Variants in ABCC6 observed in about 807,000 individuals in gnomAD.
ABCC6 encodes ATP-binding cassette sub-family C member 6.
Under a neutral mutation model 169.5 loss-of-function variants are expected in ABCC6, and 126 were observed. The observed-to-expected ratio is 0.74, with a 90% confidence interval of 0.64 to 0.86. ABCC6 has a LOEUF of 0.86. Among genes scored for constraint, ABCC6 ranks in the 40% least tolerant of loss-of-function variants. The pLI, the probability that ABCC6 is intolerant of heterozygous loss-of-function variation, is 0.00. For synonymous variants in ABCC6, 752 were observed against 814.7 expected (o/e 0.92, Z 1.31); for missense variants, 1,733 against 1,927.2 (o/e 0.90, Z 1.89).
rs1221893255 is a variant in ABCC6, at chr16:16,163,235, C to T, written c.3307-43G>A. The T allele has an allele frequency of 1.2e-5, 19 of 1,587,328 alleles. 1 individual carries two copies. Among genetic ancestry groups the T allele is most frequent in the Non-Finnish European group, 1.5e-5 (18 of 1,162,052 alleles). ...GAGAGGGAAGAGGAGAAGCCACAGA[C>T]ATAGAGAGGTAGTTTCCAGAAGCAC... On this transcript the variant is annotated intron_variant, in intron 23 of 30. Coordinates refer to ENST00000205557, the MANE Select transcript of ABCC6 (RefSeq NM_001171.6).
At chr16:16,173,563 C>T (rs549385735) in intron 20 of ABCC6, among the ~76,000 whole-genome samples, 159 bp from the exon 21 acceptor site, 1 of 152,320 alleles carries the variant, frequency 6.6e-6, no homozygotes, top group East Asian at 1.9e-4. Context: ...AGATATCACA[C>T]TTCCCTTCTT....
chr16:16,163,869 C>T (rs566345896), intron 23 of ABCC6, among the ~76,000 whole-genome samples: 2 of 152,188 alleles, frequency 1.3e-5, no homozygotes, highest in South Asian at 2.1e-4. Context: ...ATCCAAGGCT[C>T]GGGGGATTCA....
chr16:16,153,647 C>A (rs894689542), intron 29 of ABCC6, among the ~76,000 whole-genome samples: 1 of 151,940 alleles, frequency 6.6e-6, no homozygotes, highest in Non-Finnish European at 1.5e-5. Flanking sequence ...GAGATGGGCC[C>A]GGCGTGGCTG....
intron 6 of ABCC6, among the ~76,000 whole-genome samples, chr16:16,209,072 A>T (rs2048503421): frequency 6.6e-6 from 1 of 151,826 alleles, no homozygotes; most frequent in African/African-American, 2.4e-5. Context: ...TCTTACATGA[A>T]CCCATAAGGT....
chr16:16,182,866 A>T lies in ABCC6; in HGVS notation c.2008T>A (p.Ser670Thr). 6.2e-7 allele frequency: 1 copy of T among 1,613,798 alleles called. No homozygotes were observed. Among genetic ancestry groups the T allele is most frequent in the South Asian group, 1.1e-5 (1 of 91,064 alleles). Residue 670 changes from serine (S) to threonine (T), a missense_variant, in exon 16 of 31, where the codon TCC becomes ACC. By Grantham distance (58) the Ser-to-Thr change is moderately conservative. This residue lies in a region of ABCC6 where 1,601 missense variants were observed against 1,635.5 expected (regional missense o/e 0.98). Coordinates refer to ENST00000205557, the MANE Select transcript of ABCC6 (RefSeq NM_001171.6). ...CCAAGGAGGGCGGACAGCAGGGAGGACTTCCCTGCCCCCACTGGACCGACA... is the reference window on the plus strand; with the variant it reads ...CCAAGGAGGGCGGACAGCAGGGAGGTCTTCCCTGCCCCCACTGGACCGACA... ...AVVGPVGAGK[S>T]SLLSALLGEL...
In ABCC6 at chr16:16,192,007, T is replaced by TG. The variant is rs544346225; in HGVS notation, c.1431+822dup. On this transcript the variant is annotated intron_variant, in intron 11 of 30. Coordinates refer to ENST00000205557, the MANE Select transcript of ABCC6 (RefSeq NM_001171.6). ...ACCCTGTAGGTTGTGGGAAGTGCTG[T>TG]GGGGGGAAAAAAGCAAAAACAATCC... Among the ~76,000 whole-genome samples the TG allele has an allele frequency of 1.5e-4, 23 of 151,844 alleles. No individual in the cohort carries two copies. The South Asian group carries it at 4.6e-3, about 30-fold the overall frequency.
chr16:16,168,501 G>A (rs1355750644), intron 22 of ABCC6, among the ~76,000 whole-genome samples: 1 of 151,978 alleles, frequency 6.6e-6, no homozygotes, highest in African/African-American at 2.4e-5. Context: ...ATGTGTGTGT[G>A]TGTATAAATA....
chr16:16,190,103 T>A, intron 12 of ABCC6, 61 bp downstream of exon 12: 1 of 1,581,364 alleles, frequency 6.3e-7, no homozygotes, highest in Non-Finnish European at 8.7e-7. Flanking sequence ...TACCTCACCC[T>A]GCCCCCACCC....
Position 16,187,704 on chromosome 16 carries a change from G to T in ABCC6, c.1780-493C>A, listed in dbSNP as rs116546182. Reference sequence around the variant, plus strand: ...TGAGGCCAGGAGTTGGAGACCTGGGGAACATAGCAAGACTCTTTGTTTCTA... The same window carrying T: ...TGAGGCCAGGAGTTGGAGACCTGGGTAACATAGCAAGACTCTTTGTTTCTA... On this transcript the variant is annotated intron_variant, in intron 13 of 30. Coordinates refer to ENST00000205557, the MANE Select transcript of ABCC6 (RefSeq NM_001171.6). 7.6e-3 allele frequency among the ~76,000 whole-genome samples: 1,150 copies of T among 152,114 alleles called. 17 individuals carry two copies. Among genetic ancestry groups the T allele is most frequent in the African/African-American group, 0.026 (1,062 of 41,486 alleles).
At chr16:16,195,997 G>T (rs1336637899) in intron 10 of ABCC6, among the ~76,000 whole-genome samples, 9 of 152,032 alleles carry the variant, frequency 5.9e-5, no homozygotes, top group African/African-American at 2.2e-4. Context: ...ATCACCTGAG[G>T]TCAGGAGTTC....
chr16:16,206,399 C>T (rs1190023373), intron 7 of ABCC6, among the ~76,000 whole-genome samples: 3 of 151,818 alleles, frequency 2.0e-5, no homozygotes, highest in Non-Finnish European at 2.9e-5. Context: ...CCAATGCGGG[C>T]GAATCACCTG....
chr16:16,166,846 C>T (rs979784221), intron 22 of ABCC6, among the ~76,000 whole-genome samples: 2 of 152,154 alleles, frequency 1.3e-5, no homozygotes, highest in South Asian at 2.1e-4. Flanking sequence ...AGCCATAAGC[C>T]GAGATCGTGC....
At chr16:16,196,609 T>C (rs2048046555) in intron 10 of ABCC6, among the ~76,000 whole-genome samples, 1 of 152,064 alleles carries the variant, frequency 6.6e-6, no homozygotes. Context: ...ACAGAGAGAG[T>C]AGGGTCCTTG....
chr16:16,150,735 G>A lies in ABCC6; in HGVS notation c.4246C>T (p.Leu1416Phe). ...ATGAGGATCTGGGTCTTCCGGAGAA[G>A]GGCACGTGCCAGACACAGGAGCTGT... ...QKQLLCLARA[L>F]LRKTQILILD... The change falls in exon 30 of 31, where the codon CTT (leucine) becomes TTT (phenylalanine). Residue 1416 changes from leucine (L) to phenylalanine (F), a missense_variant. Physicochemically the swap from Leu to Phe is conservative, Grantham distance 22. Around this residue, in one of 5 missense-constraint regions of ABCC6, gnomAD observed 1,601 missense variants for 1,635.5 expected, o/e 0.98. Coordinates refer to ENST00000205557, the MANE Select transcript of ABCC6 (RefSeq NM_001171.6). The A allele has an allele frequency of 6.2e-7, 1 of 1,613,902 alleles. No homozygotes were observed. Among genetic ancestry groups the A allele is most frequent in the South Asian group, 1.1e-5 (1 of 91,062 alleles).
chr16:16,198,043 A>G lies in ABCC6; in HGVS notation c.1316T>C (p.Val439Ala). The G allele has an allele frequency of 6.2e-7, 1 of 1,614,176 alleles. No homozygotes were observed. The highest frequency in any genetic ancestry group is 8.5e-7 in the Non-Finnish European group (1 of 1,180,034). ...GLWLPLVWIV[V>A]CFVYLWQLLG... The stretch of plus-strand genomic sequence containing the variant: ...TACCTGCCAGAGATAGACGAAGCAG[A>G]CCACGATCCAGACGAGAGGCAGCCA... The change falls in exon 10 of 31, where the codon GTC becomes GCC. Residue 439 changes from valine (V) to alanine (A), a missense_variant. This residue lies in a region of ABCC6 where 1,601 missense variants were observed against 1,635.5 expected (regional missense o/e 0.98). Coordinates refer to ENST00000205557, the MANE Select transcript of ABCC6 (RefSeq NM_001171.6).
intron 6 of ABCC6, among the ~76,000 whole-genome samples, chr16:16,209,391 T>TG: frequency 6.6e-6 from 1 of 152,148 alleles, no homozygotes; most frequent in Middle Eastern, 3.4e-3. Flanking sequence ...GCCTGTAAAT[T>TG]GATAGTTTAT....
chr16:16,176,331 TCTCACCTACC>T (rs572270968), intron 19 of ABCC6, among the ~76,000 whole-genome samples: 1 of 152,280 alleles, frequency 6.6e-6, no homozygotes, highest in South Asian at 2.1e-4. Context: ...TCTGGCTAAC[TCTCACCTACC>T]CTCAGGTACC....
chr16:16,186,926 C>T (rs138341017), intron 14 of ABCC6, among the ~76,000 whole-genome samples, 198 bp downstream of exon 14: 34 of 152,114 alleles, frequency 2.2e-4, no homozygotes, highest in African/African-American at 8.2e-4. Flanking sequence ...AGTGAGTGGT[C>T]GCTGAATGGC....
At position 16,219,953 on chromosome 16, in the gene ABCC6, G is replaced by A; in HGVS notation, c.220-6C>T. On this transcript the variant is annotated splice_region_variant and splice_polypyrimidine_tract_variant and intron_variant, in intron 2 of 30. Coordinates refer to ENST00000205557, the MANE Select transcript of ABCC6 (RefSeq NM_001171.6). ...ATGAGGGCGAATCCAAGCACCTGAG[G>A]ATACAGGCTTAGATAAGCTTGGGGG... The A allele has an allele frequency of 1.3e-6, 2 of 1,543,344 alleles. No homozygotes were observed. Among genetic ancestry groups the A allele is most frequent in the Non-Finnish European group, 1.8e-6 (2 of 1,140,006 alleles).
Sources: allele counts gnomAD v4.1 joint callset (sites outside exome capture counted in the v4.1 genomes callset), GRCh38; gene constraint gnomAD v4.1.1; regional missense constraint gnomAD v4.1.1; transcripts MANE v1.5; gene names NCBI Gene and HGNC (gene_info 2026-07-23, HGNC 2026-07-21).